The following COX20 variants were observed in gnomAD, a reference collection of about 807,000 sequenced individuals.
COX20 encodes the protein cytochrome c oxidase assembly factor COX20.
Under a neutral mutation model 14.3 loss-of-function variants are expected in COX20, and 14 were observed. The ratio of observed to expected loss-of-function variants is 0.98; its 90% CI spans 0.65 to 1.53. The LOEUF (loss-of-function observed/expected upper bound fraction) is 1.53, where lower values mean the gene tolerates loss of function less well. COX20 is among the 40% of genes most tolerant of loss of function. COX20 has a pLI of 0.00. For synonymous variants in COX20, 56 were observed against 51.7 expected, an observed-to-expected ratio of 1.08 and a Z score of -0.36; for missense variants, 149 against 142.1, an observed-to-expected ratio of 1.05 and a Z score of -0.25.
chr1:244,842,966 G>A (rs1444019864), intron 3 of COX20, 75 bp from the exon 4 acceptor site: 2 of 1,151,356 alleles, frequency 1.7e-6, no homozygotes, highest in East Asian at 5.8e-5. Flanking sequence ...AGTTTTGTGT[G>A]ATTTAGAGAA....
chr1:244,841,832 CTAGTT>C (rs1680212182), intron 1 of COX20, 107 bp from the exon 2 acceptor site: 6 of 650,666 alleles, frequency 9.2e-6, no homozygotes, highest in Non-Finnish European at 5.4e-6. Flanking sequence ...GGCACATACT[CTAGTT>C]TAAACCCTCA....
At position 244,843,284 on chromosome 1, in the gene COX20, A is replaced by AT. The variant is rs1353466981; in HGVS notation, c.*115dup. The AT allele has an allele frequency of 3.8e-6, 5 of 1,327,418 alleles. No homozygotes were observed. The highest frequency in any genetic ancestry group is 2.7e-5 in the Admixed American group (1 of 37,634). 82.2% of individuals were successfully genotyped at this position (1,327,418 alleles called of 1,614,324 possible). On this transcript the variant is annotated 3_prime_UTR_variant, in exon 4 of 4. Transcript: ENST00000411948. ...AGTAAATAAAGTTTAAGTTGTAGTCATTTTTTTCCCACACTTGTGTGGAAT... is the reference window on the plus strand; with the variant it reads ...AGTAAATAAAGTTTAAGTTGTAGTCATTTTTTTTCCCACACTTGTGTGGAAT...
rs946591145 is a variant in COX20 at position 244,843,291 on chromosome 1, T to TC, written c.*118dup. 2.3e-4 allele frequency: 288 copies of TC among 1,277,042 alleles called. No individual in the cohort carries two copies. Among genetic ancestry groups the TC allele is most frequent in the Admixed American group, 6.2e-4 (23 of 37,274 alleles). 79.1% of individuals were successfully genotyped at this position (1,277,042 alleles called of 1,614,324 possible). A position where few individuals can be genotyped will look rare whatever the true frequency, so the allele number is the denominator to read the frequency against. ...AAAGTTTAAGTTGTAGTCATTTTTT[T>TC]CCCACACTTGTGTGGAATGAAAACT... On this transcript the variant is annotated 3_prime_UTR_variant, in exon 4 of 4. Coordinates refer to ENST00000411948, the MANE Select transcript of COX20 (RefSeq NM_198076.6).
At chr1:244,835,441 C>T, upstream of COX20, 2 of 366,710 alleles carry the variant, frequency 5.5e-6, no homozygotes, top group Non-Finnish European at 4.9e-6. Context: ...GTTTGTTTTC[C>T]GAACCCATCT....
At chr1:244,837,788 T>C (rs1434836957) in intron 1 of COX20, among the ~76,000 whole-genome samples, 2 of 152,174 alleles carry the variant, frequency 1.3e-5, no homozygotes, top group Admixed American at 6.5e-5. Flanking sequence ...GTAATAACCA[T>C]CTCGGCTTGT....
At chr1:244,836,393 T>C in intron 1 of COX20, 1 of 1,072,500 alleles carries the variant, frequency 9.3e-7, no homozygotes, top group Non-Finnish European at 1.4e-6. Context: ...AAACCCAAAT[T>C]CTTGGTATAG....
Position 244,842,175 on chromosome 1 carries a change from T to C in COX20, c.158-20T>C. 1 of 1,555,132 alleles carries C rather than the reference T, an allele frequency of 6.4e-7. No individual in the cohort carries two copies. Among genetic ancestry groups the C allele is most frequent in the Middle Eastern group, 1.8e-4 (1 of 5,636 alleles). On this transcript the variant is annotated intron_variant, in intron 2 of 3. Coordinates refer to ENST00000411948, the MANE Select transcript of COX20 (RefSeq NM_198076.6). ...ATAACGTAATTATATTCTAATTAAT[T>C]GTTATGCTTATTTTTACAGGTAGAA...
intron 1 of COX20, among the ~76,000 whole-genome samples, chr1:244,838,569 A>G (rs1680072873): frequency 6.6e-6 from 1 of 152,188 alleles, no homozygotes; most frequent in Admixed American, 6.5e-5. Flanking sequence ...ACAAATGATA[A>G]TTTGTGCCAC....
intron 1 of COX20, among the ~76,000 whole-genome samples, chr1:244,837,995 T>C (rs976112475): frequency 6.6e-6 from 1 of 152,170 alleles, no homozygotes; most frequent in African/African-American, 2.4e-5. Context: ...TAGATGGTAA[T>C]TTGATAGGAC....
Position 244,844,857 on chromosome 1 carries a change from A to C in COX20, c.*1681A>C, listed in dbSNP as rs1020140819. ...AAAATGTTGATGATCACTAATCAAT[A>C]ATCTGATATTTAACAAAATATGGAC... On this transcript the variant is annotated 3_prime_UTR_variant, in exon 4 of 4. Coordinates refer to ENST00000411948, the MANE Select transcript of COX20 (RefSeq NM_198076.6). The C allele has an allele frequency of 2.6e-5, 4 of 152,162 alleles. No individual in the cohort carries two copies. The highest frequency in any genetic ancestry group is 9.7e-5 in the African/African-American group (4 of 41,432). The allele number at this position is 152,162 out of a possible 1,614,324, so 9.4% of individuals were successfully genotyped here.
intron 1 of COX20, among the ~76,000 whole-genome samples, chr1:244,838,338 G>A (rs1442047112): frequency 6.6e-6 from 1 of 152,178 alleles, no homozygotes; most frequent in Non-Finnish European, 1.5e-5. Flanking sequence ...TGAGGCTGAA[G>A]CTTGGGAGAG....
At chr1:244,836,563 TA>T (rs1679993335) in intron 1 of COX20, 4 of 1,496,114 alleles carry the variant, frequency 2.7e-6, no homozygotes, top group Non-Finnish European at 3.6e-6. Flanking sequence ...GGCTCCTTAT[TA>T]AGAGCAGGGA....
At chr1:244,838,491 A>G (rs1338109624) in intron 1 of COX20, among the ~76,000 whole-genome samples, 1 of 152,216 alleles carries the variant, frequency 6.6e-6, no homozygotes, top group East Asian at 1.9e-4. Flanking sequence ...AACAGCAACA[A>G]AAATGTCAAT....
intron 2 of COX20, 66 bp downstream of exon 2, chr1:244,842,124 T>C: frequency 6.7e-7 from 1 of 1,492,942 alleles, no homozygotes; most frequent in Non-Finnish European, 9.3e-7. Context: ...AATGAACTAT[T>C]TTTTTTTCTA....
At chr1:244,836,349 A>C (rs1679983871) in intron 1 of COX20, 1 of 697,948 alleles carries the variant, frequency 1.4e-6, no homozygotes, top group African/African-American at 1.8e-5. Context: ...CCTAACATCC[A>C]GTCGTAGCAG....
intron 1 of COX20, among the ~76,000 whole-genome samples, chr1:244,837,906 C>T (rs968269969): frequency 6.6e-6 from 1 of 152,102 alleles, no homozygotes; most frequent in African/African-American, 2.4e-5. Context: ...TGAGCATAAT[C>T]GGAGGCTACA....
chr1:244,835,693 G>A lies in COX20; in HGVS notation c.-22G>A, dbSNP rs532000155. ...CCGCGACCCCGGCGGTGCAGGGCGG[G>A]TGGAGTCGCGGAGTAGTCCTCATGG... On this transcript the variant is annotated 5_prime_UTR_variant, in exon 1 of 4. The change creates a new upstream start codon in the 5' untranslated region. Coordinates refer to ENST00000411948, the MANE Select transcript of COX20 (RefSeq NM_198076.6). 4.8e-6 allele frequency: 6 copies of A among 1,253,124 alleles called. No individual in the cohort carries two copies. The highest frequency in any genetic ancestry group is 1.5e-5 in the African/African-American group (1 of 64,802). 77.6% of individuals were successfully genotyped at this position (1,253,124 alleles called of 1,614,324 possible).
intron 3 of COX20, 31 bp downstream of exon 3, chr1:244,842,289 T>G: frequency 6.9e-7 from 1 of 1,451,838 alleles, no homozygotes; most frequent in Non-Finnish European, 9.7e-7. Context: ...AGAACATCCA[T>G]GATTATAGTA....
At chr1:244,839,268 A>G (rs1680100911) in intron 1 of COX20, among the ~76,000 whole-genome samples, 1 of 152,140 alleles carries the variant, frequency 6.6e-6, no homozygotes, top group Non-Finnish European at 1.5e-5. Context: ...AAATACGGGC[A>G]CTGAAGCAGA....
Sources: allele counts gnomAD v4.1 joint callset (sites outside exome capture counted in the v4.1 genomes callset), GRCh38; gene constraint gnomAD v4.1.1; transcripts MANE v1.5; gene names NCBI Gene and HGNC (gene_info 2026-07-23, HGNC 2026-07-21).